The following MINDY3 variants were observed in gnomAD, a reference collection of about 807,000 sequenced individuals.
MINDY3 encodes the protein MINDY lysine 48 deubiquitinase 3, also known as ubiquitin carboxyl-terminal hydrolase MINDY-3.
In MINDY3, 38 loss-of-function variants were observed where a neutral mutation model predicts 69.2. The observed-to-expected ratio is 0.55, with a 90% confidence interval of 0.42 to 0.72. MINDY3 has a LOEUF of 0.72. Among genes scored for constraint, MINDY3 ranks in the 30% least tolerant of loss-of-function variants. The probability of loss-of-function intolerance (pLI) is 0.00; values close to 1 mark genes in which losing one functional copy is unlikely to be tolerated. For missense variants in MINDY3, 522 were observed against 519.0 expected (o/e 1.01, Z -0.06); for synonymous variants, 192 against 180.1 (o/e 1.07, Z -0.53).
chr10:15,801,337 AG>A (rs1838244661), intron 10 of MINDY3, among the ~76,000 whole-genome samples: 1 of 152,144 alleles, frequency 6.6e-6, no homozygotes, highest in South Asian at 2.1e-4. Context: ...CAAGCTTTGA[AG>A]GGAAAAGATA....
chr10:15,818,745 ATAC>A (rs1839546981), intron 9 of MINDY3, among the ~76,000 whole-genome samples: 1 of 152,230 alleles, frequency 6.6e-6, no homozygotes, highest in African/African-American at 2.4e-5. Flanking sequence ...GAAAGGCTAT[ATAC>A]TACATGATTC....
intron 9 of MINDY3, among the ~76,000 whole-genome samples, chr10:15,818,789 T>G (rs1564491862): frequency 6.6e-6 from 1 of 152,022 alleles, no homozygotes; most frequent in Non-Finnish European, 1.5e-5. Context: ...AAGAGGTAAA[T>G]CCACAGAGGC....
At chr10:15,815,715 A>T (rs920329754) in intron 10 of MINDY3, among the ~76,000 whole-genome samples, 1 of 152,194 alleles carries the variant, frequency 6.6e-6, no homozygotes, top group Non-Finnish European at 1.5e-5. Flanking sequence ...TTTACTCAGC[A>T]TTTAATTTGT....
At chr10:15,798,323 A>G (rs914085219) in intron 10 of MINDY3, among the ~76,000 whole-genome samples, 19 of 152,138 alleles carry the variant, frequency 1.2e-4, no homozygotes, top group African/African-American at 4.6e-4. Context: ...CTGTTTACAT[A>G]GTAGAGGGAA....
intron 8 of MINDY3, among the ~76,000 whole-genome samples, chr10:15,830,431 C>G (rs1840378562): frequency 6.6e-6 from 1 of 152,212 alleles, no homozygotes; most frequent in Admixed American, 6.5e-5. Context: ...TAATTCCACA[C>G]AGTTTAATAA....
intron 10 of MINDY3, among the ~76,000 whole-genome samples, chr10:15,804,180 C>T (rs191625109): frequency 1.1e-3 from 173 of 151,996 alleles, no homozygotes; most frequent in Non-Finnish European, 1.8e-3. Flanking sequence ...AACAATATAG[C>T]TTTTAAAATT....
At chr10:15,837,584 T>C (rs1833176356) in intron 5 of MINDY3, 2 of 1,370,978 alleles carry the variant, frequency 1.5e-6, no homozygotes, top group Non-Finnish European at 1.9e-6. Context: ...CTGTCTGGCA[T>C]CAGTAAATTC....
At chr10:15,839,744 C>G (rs914483419) in intron 4 of MINDY3, among the ~76,000 whole-genome samples, 3 of 151,624 alleles carry the variant, frequency 2.0e-5, no homozygotes, top group African/African-American at 7.2e-5. Flanking sequence ...TCATTTGTCA[C>G]TAAGGTAAAT....
At chr10:15,806,920 A>T (rs1838677312) in intron 10 of MINDY3, among the ~76,000 whole-genome samples, 1 of 152,112 alleles carries the variant, frequency 6.6e-6, no homozygotes. Context: ...TCCAGGGTCT[A>T]CTCTACTCTA....
At chr10:15,843,331 C>G in intron 2 of MINDY3, 59 bp from the exon 3 acceptor site, 14 of 1,366,596 alleles carry the variant, frequency 1.0e-5, no homozygotes, top group Middle Eastern at 2.1e-4. Flanking sequence ...TCATATCATT[C>G]TTCAATTTTA....
rs56332799 is a variant in MINDY3, at chr10:15,827,176, T to TAAAAAA, written c.731-5456_731-5451dup. 5.0e-3 allele frequency among the ~76,000 whole-genome samples: 224 copies of TAAAAAA among 44,850 alleles called. 6 individuals carry two copies. The highest frequency in any genetic ancestry group is 0.023 in the African/African-American group (214 of 9,386). The allele number at this position is 44,850 out of a possible 152,430, so 29.4% of individuals were successfully genotyped here. A position where few individuals can be genotyped will look rare whatever the true frequency, so the allele number is the denominator to read the frequency against. On this transcript the variant is annotated intron_variant, in intron 8 of 14. Coordinates refer to ENST00000277632, the MANE Select transcript of MINDY3 (RefSeq NM_024948.4). ...ACACATAAAATTGATATAACAGGAG[T>TAAAAAA]AAAAAAAAAAAAAAAAAAAAAAGCC...
rs967045440 is a variant in MINDY3 at position 15,782,136 on chromosome 10, A to T, written c.1188+19T>A. On this transcript the variant is annotated intron_variant, in intron 14 of 14. Transcript: ENST00000277632. Reference sequence around the variant, plus strand: ...TCATCAACCCAGTTGAACACCGACGACTACGTGAATTATCATACCTTTTCA... The same window carrying T: ...TCATCAACCCAGTTGAACACCGACGTCTACGTGAATTATCATACCTTTTCA... 5 of 1,573,274 alleles carry T rather than the reference A, an allele frequency of 3.2e-6. No individual in the cohort carries two copies. Among genetic ancestry groups the T allele is most frequent in the Non-Finnish European group, 4.4e-6 (5 of 1,144,978 alleles).
At chr10:15,846,268 T>C (rs1355831284) in intron 2 of MINDY3, among the ~76,000 whole-genome samples, 1 of 152,304 alleles carries the variant, frequency 6.6e-6, no homozygotes, top group Middle Eastern at 3.4e-3. Flanking sequence ...GAAACTCCTG[T>C]GGTATACCCT....
At chr10:15,847,793 C>A (rs1012062030) in intron 2 of MINDY3, 71 bp downstream of exon 2, 4 of 1,056,542 alleles carry the variant, frequency 3.8e-6, no homozygotes, top group Admixed American at 1.8e-5. Flanking sequence ...GGAGTACAGA[C>A]ATTAGAAAAC....
intron 5 of MINDY3, 55 bp downstream of exon 5, chr10:15,838,173 T>TA: frequency 6.4e-7 from 1 of 1,552,892 alleles, no homozygotes; most frequent in Non-Finnish European, 8.7e-7. Flanking sequence ...TGAACAGACT[T>TA]AAAGTGGCAA....
intron 9 of MINDY3, among the ~76,000 whole-genome samples, chr10:15,818,286 GA>G (rs1588580221): frequency 6.8e-6 from 1 of 147,216 alleles, no homozygotes; most frequent in Admixed American, 6.7e-5. Context: ...CTTTCTTTCA[GA>G]AAAAGTGTGT....
chr10:15,806,312 C>T (rs1311583062), intron 10 of MINDY3, among the ~76,000 whole-genome samples: 2 of 152,108 alleles, frequency 1.3e-5, no homozygotes, highest in African/African-American at 4.8e-5. Context: ...GAGGAATCTC[C>T]ACATACGCAG....
intron 8 of MINDY3, among the ~76,000 whole-genome samples, chr10:15,830,298 G>A (rs1236319795): frequency 6.6e-6 from 1 of 152,156 alleles, no homozygotes; most frequent in East Asian, 1.9e-4. Flanking sequence ...AACATGTATT[G>A]AACAGTGCTC....
chr10:15,860,333 G>C lies in MINDY3; in HGVS notation c.-34C>G, dbSNP rs564770574. On this transcript the variant is annotated 5_prime_UTR_variant, in exon 1 of 15. Transcript: ENST00000277632. Reference sequence around the variant, plus strand: ...ACCGGCGGGCGGATCTTCGCTTTGCGGACTCCTGCCCCGGAACATGGGGAA... The same window carrying C: ...ACCGGCGGGCGGATCTTCGCTTTGCCGACTCCTGCCCCGGAACATGGGGAA... 6.7e-7 allele frequency: 1 copy of C among 1,500,862 alleles called. No individual in the cohort carries two copies. The allele number at this position is 1,500,862 out of a possible 1,614,324, so 93.0% of individuals were successfully genotyped here.
Sources: gnomAD v4.1 joint callset for allele counts (sites outside exome capture counted in the v4.1 genomes callset) on GRCh38, gnomAD v4.1.1 for gene constraint, MANE v1.5 for transcripts, NCBI Gene and HGNC (gene_info 2026-07-23, HGNC 2026-07-21) for gene names.